The following SYN3 variants were observed in gnomAD, a reference collection of about 807,000 sequenced individuals.
SYN3 encodes synapsin III, also known as synapsin-3.
SYN3 carries 35 observed loss-of-function variants against 65.8 expected under a neutral mutation model. The ratio of observed to expected loss-of-function variants is 0.53; its 90% CI spans 0.41 to 0.70. The LOEUF (loss-of-function observed/expected upper bound fraction) is 0.70, where lower values mean the gene tolerates loss of function less well. SYN3 is among the 30% of genes least tolerant of loss of function. The pLI is 0.00. For synonymous variants in SYN3, 270 were observed against 292.9 expected (o/e 0.92, Z 0.80); for missense variants, 680 against 749.0 (o/e 0.91, Z 1.08).
chr22:32,551,554 C>G (rs147661281), intron 7 of SYN3, among the ~76,000 whole-genome samples: 299 of 151,146 alleles, frequency 2.0e-3, no homozygotes, highest in African/African-American at 6.9e-3. Context: ...GGAGACTGAA[C>G]TGTTATAGAT....
intron 3 of SYN3, among the ~76,000 whole-genome samples, chr22:32,963,862 G>A (rs867105816): frequency 6.6e-6 from 1 of 152,160 alleles, no homozygotes; most frequent in African/African-American, 2.4e-5. Context: ...AAATTAAGAC[G>A]AGTAATCAAA....
rs144221396 is a variant in SYN3 at position 33,018,787 on chromosome 22, A to G, written c.-162-11963T>C. Among the ~76,000 whole-genome samples, 144 of 152,220 alleles carry G rather than the reference A, an allele frequency of 9.5e-4. 2 individuals are homozygous for G. The East Asian group carries it at 0.023, about 24-fold the overall frequency. On this transcript the variant is annotated intron_variant, in intron 1 of 13. Transcript: ENST00000358763. ...TCCTTGCTCACCCTCAGATGAGTTT[A>G]TGCACCTGGGTTCCCCACTTCCGGA...
intron 3 of SYN3, among the ~76,000 whole-genome samples, chr22:32,972,854 A>G (rs996986413): frequency 2.0e-5 from 3 of 152,054 alleles, no homozygotes; most frequent in African/African-American, 7.2e-5. Context: ...GAAGAAAAAA[A>G]AAAAGCTGGG....
In SYN3 at chr22:32,607,707, T is replaced by C. The variant is rs576148408; in HGVS notation, c.712-10971A>G. Among the ~76,000 whole-genome samples the C allele has an allele frequency of 2.0e-5, 3 of 152,386 alleles. No individual in the cohort carries two copies. In the East Asian group the frequency reaches 5.8e-4, roughly 29 times the overall value. On this transcript the variant is annotated intron_variant, in intron 6 of 13. Transcript: ENST00000358763. ...CATTATCTTACATTTCCTGTTTCCC[T>C]GAGAAACGGAATAGTCAAAAATAAA...
intron 6 of SYN3, among the ~76,000 whole-genome samples, chr22:32,628,356 GAC>G (rs1251346300): frequency 6.6e-6 from 1 of 152,124 alleles, no homozygotes; most frequent in Non-Finnish European, 1.5e-5. Flanking sequence ...GTATATTGAA[GAC>G]CATTACTGGA....
At chr22:32,977,741 CAAAAA>C (rs35038035) in intron 3 of SYN3, among the ~76,000 whole-genome samples, 2 of 89,822 alleles carry the variant, frequency 2.2e-5, no homozygotes, top group Admixed American at 1.2e-4. Flanking sequence ...AGACTGTCTC[CAAAAA>C]AAAAAAAAAA....
At chr22:32,819,431 T>G (rs1350877421) in intron 6 of SYN3, among the ~76,000 whole-genome samples, 3 of 152,254 alleles carry the variant, frequency 2.0e-5, no homozygotes, top group Admixed American at 2.0e-4. Context: ...TTTACCTTTT[T>G]TTCTCAACCA....
intron 6 of SYN3, among the ~76,000 whole-genome samples, chr22:32,598,128 C>T (rs990194480): frequency 2.0e-5 from 3 of 152,184 alleles, no homozygotes; most frequent in Admixed American, 6.5e-5. Context: ...CCCTTCTCCT[C>T]GGCTGTCCAT....
intron 6 of SYN3, among the ~76,000 whole-genome samples, chr22:32,608,322 G>A (rs1177544557): frequency 1.3e-5 from 2 of 152,118 alleles, no homozygotes; most frequent in African/African-American, 2.4e-5. Context: ...CGCCCGCTTC[G>A]GCTTCCCAAA....
In SYN3 at chr22:32,651,325, CAGA is replaced by C. The variant is rs572455694; in HGVS notation, c.712-54592_712-54590del. On this transcript the variant is annotated intron_variant, in intron 6 of 13. Coordinates refer to ENST00000358763, the MANE Select transcript of SYN3 (RefSeq NM_003490.4). Reference sequence around the variant, plus strand: ...GGGAGTCAGTGCCCCAGAGGAAGTTCAGAAGAAGATGAGCCCACCAGTGATTAG... The same window carrying C: ...GGGAGTCAGTGCCCCAGAGGAAGTTCAGAAGATGAGCCCACCAGTGATTAG... Among the ~76,000 whole-genome samples, 258 of 152,156 alleles carry C rather than the reference CAGA, an allele frequency of 1.7e-3. 1 individual carries two copies. Among genetic ancestry groups the C allele is most frequent in the Non-Finnish European group, 3.0e-3 (203 of 67,998 alleles).
At chr22:32,532,889 G>A (rs953673225) in intron 10 of SYN3, among the ~76,000 whole-genome samples, 6 of 152,150 alleles carry the variant, frequency 3.9e-5, no homozygotes, top group Admixed American at 3.9e-4. Flanking sequence ...CACTGGAGCT[G>A]TGAGTGTGGA....
In SYN3 at chr22:32,528,956, T is replaced by C; in HGVS notation, c.1148A>G (p.Gln383Arg). Residue 383 changes from glutamine to arginine, a missense_variant, in exon 11 of 14, where the codon CAG becomes CGG. Gln to Arg is a conservative substitution (Grantham distance 43). Transcript: ENST00000358763. ...GGAGACAACAAGGTCGGCCATCAGC[T>C]GTCTGTCCTCTTCCACATGCTCTCC... ...LIGEHVEEDR[Q>R]LMADLVVSKM... 1.2e-6 allele frequency: 2 copies of C among 1,614,114 alleles called. No individual in the cohort carries two copies. The highest frequency in any genetic ancestry group is 1.7e-6 in the Non-Finnish European group (2 of 1,180,042).
chr22:32,974,559 C>T (rs773289787), intron 3 of SYN3, among the ~76,000 whole-genome samples: 2 of 152,136 alleles, frequency 1.3e-5, no homozygotes, highest in South Asian at 2.1e-4. Context: ...TACTCCAATC[C>T]CTTTTCAGAA....
chr22:32,964,543 G>A (rs184504178), intron 3 of SYN3, among the ~76,000 whole-genome samples: 1 of 152,212 alleles, frequency 6.6e-6, no homozygotes, highest in Admixed American at 6.5e-5. Context: ...GTCTGGCTGG[G>A]CAACAGGTGA....
At chr22:32,991,272 A>C (rs573308159) in intron 2 of SYN3, among the ~76,000 whole-genome samples, 58 of 151,604 alleles carry the variant, frequency 3.8e-4, no homozygotes, top group African/African-American at 1.4e-3. Context: ...CGGGAGGCGG[A>C]GGTTGCAGTG....
chr22:32,944,290 A>AACTC (rs1335836323), intron 3 of SYN3, among the ~76,000 whole-genome samples: 3 of 152,222 alleles, frequency 2.0e-5, no homozygotes, highest in Non-Finnish European at 4.4e-5. Flanking sequence ...AGGATTAAGA[A>AACTC]ACTCACTCAA....
rs150595679 is a variant in SYN3 at position 33,013,771 on chromosome 22, CTA to C, written c.-162-6949_-162-6948del. 3.5e-3 allele frequency among the ~76,000 whole-genome samples: 534 copies of C among 152,222 alleles called. 6 individuals carry two copies. The highest frequency in any genetic ancestry group is 0.012 in the African/African-American group (515 of 41,526). On this transcript the variant is annotated intron_variant, in intron 1 of 13. Transcript: ENST00000358763. ...GGCAACCACATTCTACTCTCAAATTCTATGAGTTCAATGGTTTTAGATGCCAC... is the reference window on the plus strand; with the variant it reads ...GGCAACCACATTCTACTCTCAAATTCTGAGTTCAATGGTTTTAGATGCCAC...
chr22:32,889,721 A>G (rs1223212322), intron 4 of SYN3, among the ~76,000 whole-genome samples: 4 of 152,068 alleles, frequency 2.6e-5, no homozygotes, highest in Admixed American at 6.6e-5. Flanking sequence ...AAACTTTTAG[A>G]TCTTTTTATT....
At chr22:33,008,217 G>C (rs946622140) in intron 1 of SYN3, among the ~76,000 whole-genome samples, 3 of 152,216 alleles carry the variant, frequency 2.0e-5, no homozygotes, top group Non-Finnish European at 4.4e-5. Context: ...GATCACAGGC[G>C]TGAGCCACTG....
Sources: allele counts gnomAD v4.1 joint callset (sites outside exome capture counted in the v4.1 genomes callset), GRCh38; gene constraint gnomAD v4.1.1; transcripts MANE v1.5; gene names NCBI Gene and HGNC (gene_info 2026-07-23, HGNC 2026-07-21).